The following AP3B2 variants were observed in gnomAD, a reference collection of about 807,000 sequenced individuals.
AP3B2 encodes AP-3 complex subunit beta-2.
Under a neutral mutation model 126.9 loss-of-function variants are expected in AP3B2, and 50 were observed. The observed-to-expected ratio is 0.39, with a 90% confidence interval of 0.31 to 0.50. AP3B2 has a LOEUF of 0.50. Among genes scored for constraint, AP3B2 ranks in the 20% least tolerant of loss-of-function variants. The probability of loss-of-function intolerance (pLI) is 0.79; values close to 1 mark genes in which losing one functional copy is unlikely to be tolerated. For missense variants in AP3B2, 1,177 were observed against 1,426.4 expected, an observed-to-expected ratio of 0.83 and a Z score of 2.82; for synonymous variants, 541 against 565.0, an observed-to-expected ratio of 0.96 and a Z score of 0.60.
chr15:82,708,124 T>G (rs1474881351), intron 1 of AP3B2, among the ~76,000 whole-genome samples: 1 of 152,226 alleles, frequency 6.6e-6, no homozygotes, highest in Non-Finnish European at 1.5e-5. Context: ...AAATGGCCTG[T>G]GCCTGCCTTA....
At chr15:82,698,140 C>T (rs574832498) in intron 1 of AP3B2, among the ~76,000 whole-genome samples, 3 of 151,938 alleles carry the variant, frequency 2.0e-5, no homozygotes, top group Admixed American at 2.0e-4. Flanking sequence ...CTACACCTCA[C>T]GGACAGCTCA....
chr15:82,696,486 G>A (rs1483148362), intron 1 of AP3B2, among the ~76,000 whole-genome samples: 3 of 152,170 alleles, frequency 2.0e-5, no homozygotes. Context: ...GCTGAGGAAC[G>A]AGAATCGCTT....
At chr15:82,690,735 G>A (rs949518002) in intron 1 of AP3B2, among the ~76,000 whole-genome samples, 12 of 133,516 alleles carry the variant, frequency 9.0e-5, no homozygotes, top group Admixed American at 1.8e-4. Context: ...CTCACTGCAA[G>A]CTCCACCTCC....
chr15:82,691,622 T>C (rs1332097480), intron 1 of AP3B2: 37 of 945,934 alleles, frequency 3.9e-5, no homozygotes, highest in Non-Finnish European at 5.1e-5. Context: ...AAAATTAAAA[T>C]AATTTCCTAA....
At chr15:82,706,883 G>A (rs1057230248) in intron 1 of AP3B2, among the ~76,000 whole-genome samples, 1 of 151,018 alleles carries the variant, frequency 6.6e-6, no homozygotes, top group Non-Finnish European at 1.5e-5. Flanking sequence ...GATTGTTCAG[G>A]CCCCCTCCCT....
At chr15:82,679,155 C>T (rs144472180) in intron 10 of AP3B2, among the ~76,000 whole-genome samples, 1 of 152,250 alleles carries the variant, frequency 6.6e-6, no homozygotes, top group Non-Finnish European at 1.5e-5. Flanking sequence ...TGGAGTTTCG[C>T]TCTTGTCACC....
At chr15:82,684,518 C>T (rs776214718) in intron 4 of AP3B2, among the ~76,000 whole-genome samples, 1 of 152,190 alleles carries the variant, frequency 6.6e-6, no homozygotes, top group Non-Finnish European at 1.5e-5. Context: ...ATCGTCTATC[C>T]AGACCACTTA....
At chr15:82,700,085 C>T (rs1372737784) in intron 1 of AP3B2, among the ~76,000 whole-genome samples, 1 of 152,138 alleles carries the variant, frequency 6.6e-6, no homozygotes, top group Non-Finnish European at 1.5e-5. Context: ...GGGCAAGGGA[C>T]TAGATGGTCA....
Position 82,680,518 on chromosome 15 carries a change from C to T in AP3B2, c.1009G>A (p.Val337Met). The T allele has an allele frequency of 6.5e-7, 1 of 1,538,372 alleles. No homozygotes were observed. The highest frequency in any genetic ancestry group is 8.7e-7 in the Non-Finnish European group (1 of 1,148,022). The change falls in exon 8 of 27, where the codon GTG (valine) becomes ATG (methionine). Residue 337 changes from valine to methionine, a missense_variant. Around this residue, in one of 5 missense-constraint regions of AP3B2, gnomAD observed 308 missense variants for 452.4 expected, o/e 0.68. Transcript: ENST00000535359. The surrounding 1 kb of genome is among the most constrained non-coding windows in gnomAD (Gnocchi z 6.1). ...ACCAGCGCCTTGGCGATGACGCCCA[C>T]TTCCGCCTTGGGCGCCAGGTGGAAG... ...LYFHLAPKAEVGVIAKALVRL... is the reference protein window; with the variant it reads ...LYFHLAPKAEMGVIAKALVRL...
At chr15:82,700,397 C>CTTGTTTTTTTTTTTTTTTTTTT (rs2048700044) in intron 1 of AP3B2, among the ~76,000 whole-genome samples, 1 of 35,086 alleles carries the variant, frequency 2.9e-5, no homozygotes, top group Non-Finnish European at 5.1e-5. Flanking sequence ...TGGTGGGTGG[C>CTTGTTTTTTTTTTTTTTTTTTT]TTTTTTTTTT....
intron 4 of AP3B2, among the ~76,000 whole-genome samples, chr15:82,683,046 A>ATTTTTT (rs1567267339): frequency 1.4e-5 from 1 of 71,958 alleles, no homozygotes; most frequent in Non-Finnish European, 3.1e-5. Context: ...CTGCACCAGG[A>ATTTTTT]GTTTTTTTTT....
At chr15:82,662,578 T>C (rs986143451) in intron 23 of AP3B2, 116 bp downstream of exon 23, 10 of 958,266 alleles carry the variant, frequency 1.0e-5, no homozygotes, top group Non-Finnish European at 1.6e-5. Flanking sequence ...TTAGATGCTA[T>C]CTCTGTGCCC....
chr15:82,688,163 GC>G (rs1320409766), intron 4 of AP3B2: 3 of 457,738 alleles, frequency 6.6e-6, no homozygotes, highest in African/African-American at 5.8e-5. Flanking sequence ...TGTAATCAGA[GC>G]TGAAAAATCC....
Position 82,709,818 on chromosome 15 carries a change from GGCAGGGGTTCAGCAGAGGCT to G in AP3B2, c.-132_-113del. 1.2e-6 allele frequency: 1 copy of G among 810,286 alleles called. No homozygotes were observed. Among genetic ancestry groups the G allele is most frequent in the Non-Finnish European group, 1.8e-6 (1 of 564,972 alleles). The allele number at this position is 810,286 out of a possible 1,614,324, so 50.2% of individuals were successfully genotyped here. On this transcript the variant is annotated 5_prime_UTR_variant, in exon 1 of 27. Coordinates refer to ENST00000535359, the MANE Select transcript of AP3B2 (RefSeq NM_001278512.2). ...TCCGGGCTGGCGAAGGCGGCGGCGCGGCAGGGGTTCAGCAGAGGCTGCAGTGTGCAGCGGCGGAGGCTGCG... is the reference window on the plus strand; with the variant it reads ...TCCGGGCTGGCGAAGGCGGCGGCGCGGCAGTGTGCAGCGGCGGAGGCTGCG...
At chr15:82,690,850 G>A (rs2048518556) in intron 1 of AP3B2, among the ~76,000 whole-genome samples, 1 of 148,872 alleles carries the variant, frequency 6.7e-6, no homozygotes. Context: ...TAGAGACGGG[G>A]TTTCACCGTG....
intron 14 of AP3B2, among the ~76,000 whole-genome samples, chr15:82,669,035 G>C (rs1423616812): frequency 6.6e-6 from 1 of 152,218 alleles, no homozygotes; most frequent in Admixed American, 6.5e-5. Context: ...GGATGTGGCA[G>C]ACAGATTCTA....
intron 4 of AP3B2, chr15:82,688,259 T>TA: frequency 1.7e-6 from 1 of 603,076 alleles, no homozygotes; most frequent in South Asian, 2.0e-5. Context: ...GGGGGAGACT[T>TA]ATACATGCAC....
chr15:82,681,678 G>C lies in AP3B2; in HGVS notation c.361-98C>G, dbSNP rs895559962. The C allele has an allele frequency of 7.6e-6, 10 of 1,323,112 alleles. No homozygotes were observed. The African/African-American group carries it at 1.5e-4, about 19-fold the overall frequency. The allele number at this position is 1,323,112 out of a possible 1,614,324, so 82.0% of individuals were successfully genotyped here. ...AAGTCACTGTCCCCAGCGACCACTA[G>C]CTCTTGCTTCCCTGCCGCTTGACTG... On this transcript the variant is annotated intron_variant, in intron 4 of 26. Transcript: ENST00000535359. This position sits in a 1 kb window ranked among gnomAD's most constrained non-coding sequence, Gnocchi z 4.0.
At chr15:82,693,802 G>GC (rs980211770) in intron 1 of AP3B2, among the ~76,000 whole-genome samples, 12 of 152,022 alleles carry the variant, frequency 7.9e-5, no homozygotes, top group Admixed American at 6.6e-5. Flanking sequence ...CTGGGTTCAA[G>GC]CAATTCTCCT....
Sources: allele counts gnomAD v4.1 joint callset (sites outside exome capture counted in the v4.1 genomes callset), GRCh38; gene constraint gnomAD v4.1.1; regional missense constraint gnomAD v4.1.1; non-coding constraint Gnocchi (gnomAD v3.1); transcripts MANE v1.5; gene names NCBI Gene and HGNC (gene_info 2026-07-23, HGNC 2026-07-21).